The following NKIRAS2 variants were observed in gnomAD, a reference collection of about 807,000 sequenced individuals.
The protein encoded by NKIRAS2 is NF-kappa-B inhibitor-interacting Ras-like protein 2.
A neutral mutation model predicts 20.7 loss-of-function variants in NKIRAS2; 15 were observed. The ratio of observed to expected loss-of-function variants is 0.73; its 90% CI spans 0.49 to 1.12. NKIRAS2 has a LOEUF of 1.12. Among genes scored for constraint, NKIRAS2 ranks in the 50% most tolerant of loss-of-function variants. The probability of loss-of-function intolerance (pLI) is 0.00; values close to 1 mark genes in which losing one functional copy is unlikely to be tolerated. For missense variants in NKIRAS2, 196 were observed against 249.6 expected (o/e 0.79, Z 1.45); for synonymous variants, 116 against 101.4 (o/e 1.14, Z -0.87).
intron 3 of NKIRAS2, 122 bp downstream of exon 3, chr17:42,022,762 G>C: frequency 8.1e-7 from 1 of 1,229,872 alleles, no homozygotes; most frequent in African/African-American, 1.5e-5. Flanking sequence ...CCAGAGGTGG[G>C]GTGGAGGCCA....
rs1555653593 is a variant in NKIRAS2, at chr17:42,023,734, C to T, written c.417C>T (p.Ala139=). 6 of 1,613,908 alleles carry T rather than the reference C, an allele frequency of 3.7e-6. No individual in the cohort carries two copies. Among genetic ancestry groups the T allele is most frequent in the Non-Finnish European group, 5.1e-6 (6 of 1,180,006 alleles). Residue 139 remains alanine (A), a synonymous_variant, in exon 4 of 4, where the codon GCC becomes GCT. Transcript: ENST00000393885. ...RVDPDVAQHW[A]KSEKVKLWEV... ...ACCCAGATGTGGCTCAGCACTGGGC[C>T]AAGTCAGAGAAGGTGAAGCTGTGGG...
At chr17:42,019,127 G>C (rs940027296), upstream of NKIRAS2, among the ~76,000 whole-genome samples, 2 of 152,010 alleles carry the variant, frequency 1.3e-5, no homozygotes, top group African/African-American at 4.8e-5. Flanking sequence ...CTTGGAATAG[G>C]CTGGGTGTGG....
intron 2 of NKIRAS2, 170 bp from the exon 3 acceptor site, chr17:42,022,229 T>C (rs781939000): frequency 7.4e-6 from 5 of 673,544 alleles, no homozygotes; most frequent in Non-Finnish European, 9.9e-6. Context: ...AAGAAATTAA[T>C]GTTCGTTCCC....
At chr17:42,020,067 CG>C (rs1457149216), upstream of NKIRAS2, 4 of 152,340 alleles carry the variant, frequency 2.6e-5, no homozygotes, top group Non-Finnish European at 5.9e-5. Context: ...AGCTGGGGAG[CG>C]GGCAGGCGGC....
In NKIRAS2 at chr17:42,025,420, C is replaced by G. The variant is rs2052553184; in HGVS notation, c.*1527C>G. On this transcript the variant is annotated 3_prime_UTR_variant, in exon 4 of 4. Transcript: ENST00000393885. ...AGCGGCCTGCAGAGTAAGCTTATTA[C>G]CCACAACTGTGCCCGCTTTGTGCTT... is the stretch of plus-strand genomic sequence containing the variant. 6.6e-6 allele frequency: 1 copy of G among 152,452 alleles called. No individual in the cohort carries two copies. The highest frequency in any genetic ancestry group is 6.6e-5 in the Admixed American group (1 of 15,262). 9.4% of individuals were successfully genotyped at this position (152,452 alleles called of 1,614,324 possible). A position where few individuals can be genotyped will look rare whatever the true frequency, so the allele number is the denominator to read the frequency against.
At chr17:42,018,195 C>T (rs908728141), upstream of NKIRAS2, among the ~76,000 whole-genome samples, 1 of 152,146 alleles carries the variant, frequency 6.6e-6, no homozygotes, top group Non-Finnish European at 1.5e-5. Context: ...ACTCCCACCT[C>T]TTATATAAAC....
rs781912559 is a variant in NKIRAS2, at chr17:42,021,602, G to A, written c.25G>A (p.Val9Met). 2.5e-5 allele frequency: 40 copies of A among 1,614,006 alleles called. No homozygotes were observed. Among genetic ancestry groups the A allele is most frequent in the Non-Finnish European group, 3.0e-5 (35 of 1,180,012 alleles). ...CATGGGGAAGAGCTGCAAGGTGGTC[G>A]TGTGTGGCCAGGCGTCTGTGGGCAA... Reference protein sequence around the residue: MGKSCKVVVCGQASVGKTS... With the variant: MGKSCKVVMCGQASVGKTS... Residue 9 changes from valine (V) to methionine (M), a missense_variant, in exon 2 of 4, where the codon GTG (valine) becomes ATG (methionine). Val to Met is a conservative substitution (Grantham distance 21, BLOSUM62 1). Coordinates refer to ENST00000393885, the MANE Select transcript of NKIRAS2 (RefSeq NM_017595.6).
chr17:42,021,211 C>T (rs1428595125), intron 1 of NKIRAS2: 3 of 232,018 alleles, frequency 1.3e-5, no homozygotes, highest in Non-Finnish European at 2.6e-5. Flanking sequence ...GAACCTGGCC[C>T]AGTGGCCAGT....
upstream of NKIRAS2, chr17:42,017,619 C>G: frequency 3.1e-6 from 2 of 638,242 alleles, no homozygotes; most frequent in South Asian, 3.9e-5. Flanking sequence ...AGCCCAGGGG[C>G]TGTGCCGGTG....
rs2143468631 is a variant in NKIRAS2 at position 42,025,607 on chromosome 17, GT to G, written c.*1716del. 1 of 152,572 alleles carries G rather than the reference GT, an allele frequency of 6.6e-6. No homozygotes were observed. The highest frequency in any genetic ancestry group is 2.1e-4 in the South Asian group (1 of 4,808). 9.5% of individuals were successfully genotyped at this position (152,572 alleles called of 1,614,324 possible). On this transcript the variant is annotated 3_prime_UTR_variant, in exon 4 of 4. Transcript: ENST00000393885. ...TTCAAGTTCATTTATTGATGCATTGGTTGGACACAATAAAACCACAATTGTT... is the reference window on the plus strand; with the variant it reads ...TTCAAGTTCATTTATTGATGCATTGGTGGACACAATAAAACCACAATTGTT...
chr17:42,018,886 C>G (rs1275143026), upstream of NKIRAS2, among the ~76,000 whole-genome samples: 1 of 152,148 alleles, frequency 6.6e-6, no homozygotes, highest in East Asian at 1.9e-4. Context: ...CAAGGCTTAC[C>G]ATATTTAAAT....
Position 42,024,143 on chromosome 17 carries a change from T to A in NKIRAS2, c.*250T>A, listed in dbSNP as rs1331436932. On this transcript the variant is annotated 3_prime_UTR_variant, in exon 4 of 4. Transcript: ENST00000393885. Reference sequence around the variant, plus strand: ...CTTTTAGAGGATCTGCTCCACTGTCTCCTGGGGCAGTTGTGGGTCACTGTC... The same window carrying A: ...CTTTTAGAGGATCTGCTCCACTGTCACCTGGGGCAGTTGTGGGTCACTGTC... 4.0e-6 allele frequency: 2 copies of A among 502,682 alleles called. No individual in the cohort carries two copies. The highest frequency in any genetic ancestry group is 3.9e-5 in the African/African-American group (2 of 51,388). 31.1% of individuals were successfully genotyped at this position (502,682 alleles called of 1,614,324 possible).
At chr17:42,020,889 C>T (rs1335620260) in intron 1 of NKIRAS2, 1 of 152,372 alleles carries the variant, frequency 6.6e-6, no homozygotes, top group Admixed American at 6.5e-5. Flanking sequence ...GCACCCGCCA[C>T]CACGCCTGAC....
At position 42,021,637 on chromosome 17, in the gene NKIRAS2, C is replaced by T. The variant is rs1555653050; in HGVS notation, c.60C>T (p.Ile20=). 2 of 1,614,122 alleles carry T rather than the reference C, an allele frequency of 1.2e-6. No individual in the cohort carries two copies. The highest frequency in any genetic ancestry group is 2.2e-5 in the South Asian group (2 of 91,088). Residue 20 remains isoleucine, a synonymous_variant, in exon 2 of 4, where the codon ATC becomes ATT. Transcript: ENST00000393885. ...AGGCGTCTGTGGGCAAAACTTCAAT[C>T]CTGGAGCAGCTTCTGTATGGGAACC... ...CGQASVGKTS[I]LEQLLYGNHV...
upstream of NKIRAS2, chr17:42,018,473 C>T (rs781816731): frequency 7.2e-5 from 11 of 152,216 alleles, no homozygotes; most frequent in East Asian, 1.9e-4. Flanking sequence ...TGCCAATGCT[C>T]ATACTCTGCC....
intron 2 of NKIRAS2, 26 bp from the exon 3 acceptor site, chr17:42,022,373 C>T (rs2052475357): frequency 6.4e-7 from 1 of 1,551,554 alleles, no homozygotes; most frequent in Non-Finnish European, 8.7e-7. Context: ...CTCTCCACTT[C>T]AGACAGTTTT....
upstream of NKIRAS2, among the ~76,000 whole-genome samples, chr17:42,019,691 A>G (rs2052394144): frequency 6.6e-6 from 1 of 152,112 alleles, no homozygotes; most frequent in Non-Finnish European, 1.5e-5. Flanking sequence ...ACAGCACCTC[A>G]GTAGTTGTTA....
intron 3 of NKIRAS2, among the ~76,000 whole-genome samples, chr17:42,023,298 C>T (rs188005229): frequency 3.3e-5 from 5 of 152,344 alleles, no homozygotes; most frequent in Admixed American, 2.0e-4. Context: ...TGCATCTGGC[C>T]ACGAAGGCCC....
At position 42,023,800 on chromosome 17, in the gene NKIRAS2, T is replaced by G. The variant is rs782050415; in HGVS notation, c.483T>G (p.Phe161Leu). ...VADRRSLLEP[F>L]VYLASKMTQP... ...ACCGGCGCTCCCTCCTGGAGCCCTT[T>G]GTCTACTTGGCCAGCAAGATGACGC... Residue 161 changes from phenylalanine to leucine, a missense_variant, in exon 4 of 4, where the codon TTT (phenylalanine) becomes TTG (leucine). Coordinates refer to ENST00000393885, the MANE Select transcript of NKIRAS2 (RefSeq NM_017595.6). 6 of 1,614,172 alleles carry G rather than the reference T, an allele frequency of 3.7e-6. No individual in the cohort carries two copies. The highest frequency in any genetic ancestry group is 4.2e-6 in the Non-Finnish European group (5 of 1,180,008).
Sources: allele counts gnomAD v4.1 joint callset (sites outside exome capture counted in the v4.1 genomes callset), GRCh38; gene constraint gnomAD v4.1.1; transcripts MANE v1.5; gene names NCBI Gene and HGNC (gene_info 2026-07-23, HGNC 2026-07-21).